ADAMTSL3: variants seen among roughly 807,000 people sequenced by gnomAD.
ADAMTSL3 encodes ADAMTS-like protein 3.
ADAMTSL3 carries 128 observed loss-of-function variants against 201.7 expected under a neutral mutation model. The observed-to-expected ratio is 0.63, with a 90% confidence interval of 0.55 to 0.73. The LOEUF is 0.73. ADAMTSL3 is among the 30% of genes least tolerant of loss of function. The pLI, the probability that ADAMTSL3 is intolerant of heterozygous loss-of-function variation, is 0.00. For missense variants in ADAMTSL3, 1,990 were observed against 2,119.6 expected (o/e 0.94, Z 1.20); for synonymous variants, 738 against 748.4 (o/e 0.99, Z 0.23).
At chr15:83,792,646 G>T (rs2063361615) in intron 4 of ADAMTSL3, among the ~76,000 whole-genome samples, 1 of 152,108 alleles carries the variant, frequency 6.6e-6, no homozygotes, top group Non-Finnish European at 1.5e-5. Flanking sequence ...AGCCAGGCAT[G>T]GTGGCACATG....
intron 4 of ADAMTSL3, among the ~76,000 whole-genome samples, chr15:83,796,852 TAGTC>T (rs922956041): frequency 2.0e-5 from 3 of 152,268 alleles, no homozygotes; most frequent in Non-Finnish European, 2.9e-5. Context: ...TGATTATCGA[TAGTC>T]AGAGGAAAAC....
chr15:83,948,050 T>C (rs2066687972), intron 19 of ADAMTSL3, among the ~76,000 whole-genome samples: 1 of 152,214 alleles, frequency 6.6e-6, no homozygotes, highest in Admixed American at 6.5e-5. Flanking sequence ...TCTTGAACTA[T>C]TAATATATCT....
At chr15:83,791,826 T>C (rs1369419055) in intron 4 of ADAMTSL3, among the ~76,000 whole-genome samples, 3 of 148,388 alleles carry the variant, frequency 2.0e-5, no homozygotes, top group Non-Finnish European at 4.5e-5. Flanking sequence ...GCCACTGCAC[T>C]CCAGCCTGGG....
rs377633349 is a variant in ADAMTSL3, at chr15:83,924,023, T to A, written c.2107T>A (p.Cys703Ser). Residue 703 changes from cysteine to serine, a missense_variant, in exon 17 of 30, where the codon TGT (cysteine) becomes AGT (serine). Physicochemically the swap from Cys to Ser is moderately radical, Grantham distance 112 (BLOSUM62 -1). Transcript: ENST00000286744. ...AMSQACNTEP[C>S]PPRWHVGSWG... The stretch of plus-strand genomic sequence containing the variant: ...GAGCCAGGCCTGTAACACAGAGCCC[T>A]GTCCCCCCAGGTATGTGCTGTCTTG... 7 of 1,614,094 alleles carry A rather than the reference T, an allele frequency of 4.3e-6. No individual in the cohort carries two copies. Among genetic ancestry groups the A allele is most frequent in the Non-Finnish European group, 1.7e-6 (2 of 1,179,986 alleles).
At chr15:83,676,027 T>C (rs2061400083) in intron 2 of ADAMTSL3, among the ~76,000 whole-genome samples, 1 of 152,268 alleles carries the variant, frequency 6.6e-6, no homozygotes, top group Admixed American at 6.5e-5. Flanking sequence ...CTTATTGTTT[T>C]GTTGATCTTT....
chr15:83,724,578 A>C (rs2062146305), intron 3 of ADAMTSL3, among the ~76,000 whole-genome samples: 1 of 151,996 alleles, frequency 6.6e-6, no homozygotes, highest in African/African-American at 2.4e-5. Context: ...AGTTATTTTA[A>C]AATCTATAGT....
chr15:83,902,201 T>C (rs924525900), intron 15 of ADAMTSL3, among the ~76,000 whole-genome samples: 4 of 152,154 alleles, frequency 2.6e-5, no homozygotes, highest in African/African-American at 9.7e-5. Flanking sequence ...TGCTCCTGAA[T>C]TGCTTCCCTC....
At chr15:84,023,805 G>A (rs1276210192) in intron 26 of ADAMTSL3, among the ~76,000 whole-genome samples, 1 of 152,090 alleles carries the variant, frequency 6.6e-6, no homozygotes, top group Non-Finnish European at 1.5e-5. Flanking sequence ...TCTACATCAA[G>A]GCTTCTCATC....
At chr15:83,805,323 C>G (rs1408947151) in intron 5 of ADAMTSL3, among the ~76,000 whole-genome samples, 1 of 152,092 alleles carries the variant, frequency 6.6e-6, no homozygotes, top group Non-Finnish European at 1.5e-5. Context: ...TTTGGGAGGC[C>G]AAGGCAGGCA....
intron 14 of ADAMTSL3, among the ~76,000 whole-genome samples, chr15:83,899,225 C>G (rs575581308): frequency 1.3e-5 from 2 of 152,146 alleles, no homozygotes; most frequent in Admixed American, 6.5e-5. Flanking sequence ...CTTCATCCCC[C>G]CTAACTTTCT....
At chr15:83,727,625 C>T (rs1254958656) in intron 3 of ADAMTSL3, among the ~76,000 whole-genome samples, 1 of 151,988 alleles carries the variant, frequency 6.6e-6, no homozygotes, top group Non-Finnish European at 1.5e-5. Flanking sequence ...CATTGACCCA[C>T]TGGTCATTCA....
intron 6 of ADAMTSL3, among the ~76,000 whole-genome samples, chr15:83,822,026 G>C (rs1464060035): frequency 6.8e-6 from 1 of 147,458 alleles, no homozygotes; most frequent in Non-Finnish European, 1.5e-5. Context: ...CCTCCCGGAC[G>C]GGGTGGCTGG....
intron 4 of ADAMTSL3, among the ~76,000 whole-genome samples, chr15:83,777,755 T>C (rs1257198915): frequency 6.6e-6 from 1 of 152,124 alleles, no homozygotes; most frequent in Non-Finnish European, 1.5e-5. Context: ...CCAGCAAGTG[T>C]TCTGAACCAG....
At chr15:83,837,009 AAAAG>A (rs2064284668) in intron 6 of ADAMTSL3, among the ~76,000 whole-genome samples, 1 of 152,204 alleles carries the variant, frequency 6.6e-6, no homozygotes, top group African/African-American at 2.4e-5. Flanking sequence ...TAAGAAATAA[AAAAG>A]AAATATAAGA....
intron 23 of ADAMTSL3, among the ~76,000 whole-genome samples, chr15:84,007,404 C>T (rs921044990): frequency 1.3e-5 from 2 of 152,144 alleles, no homozygotes; most frequent in Non-Finnish European, 2.9e-5. Flanking sequence ...AGAATCCACC[C>T]CTTAGCCAGG....
chr15:83,998,385 G>C (rs1596517711), intron 23 of ADAMTSL3, among the ~76,000 whole-genome samples: 1 of 152,128 alleles, frequency 6.6e-6, no homozygotes, highest in African/African-American at 2.4e-5. Context: ...AGAGGCGGAG[G>C]TTGCAGTGAG....
chr15:83,905,267 A>G (rs1200874967), intron 15 of ADAMTSL3, among the ~76,000 whole-genome samples: 2 of 152,208 alleles, frequency 1.3e-5, no homozygotes, highest in African/African-American at 2.4e-5. Context: ...TAAGGTTGCA[A>G]TGCATTATAA....
At chr15:83,873,409 T>C (rs919090795) in intron 9 of ADAMTSL3, among the ~76,000 whole-genome samples, 1 of 145,678 alleles carries the variant, frequency 6.9e-6, no homozygotes, top group African/African-American at 2.6e-5. Flanking sequence ...TTTTATACCA[T>C]TGGTTTTTTT....
chr15:83,865,748 C>T (rs1459532536), intron 8 of ADAMTSL3, among the ~76,000 whole-genome samples: 1 of 152,084 alleles, frequency 6.6e-6, no homozygotes, highest in African/African-American at 2.4e-5. Context: ...GCAACAAAAG[C>T]CAAAATTGAC....
Sources: allele counts gnomAD v4.1 joint callset (sites outside exome capture counted in the v4.1 genomes callset), GRCh38; gene constraint gnomAD v4.1.1; transcripts MANE v1.5; gene names NCBI Gene and HGNC (gene_info 2026-07-23, HGNC 2026-07-21).